LSAMP: variants seen among roughly 807,000 people sequenced by gnomAD.
LSAMP encodes the protein limbic system associated membrane protein.
Under a neutral mutation model 38.6 loss-of-function variants are expected in LSAMP, and 7 were observed. The observed-to-expected ratio is 0.18, with a 90% CI of 0.10 to 0.34. The LOEUF (loss-of-function observed/expected upper bound fraction) is 0.34, where lower values mean the gene tolerates loss of function less well. LSAMP is among the 10% of genes least tolerant of loss of function. The pLI is 1.00. For synonymous variants in LSAMP, 154 were observed against 166.8 expected (o/e 0.92, Z 0.59); for missense variants, 313 against 420.0 (o/e 0.75, Z 2.23).
At chr3:116,323,096 A>T (rs2047726491) in intron 1 of LSAMP, among the ~76,000 whole-genome samples, 1 of 152,116 alleles carries the variant, frequency 6.6e-6, no homozygotes, top group Non-Finnish European at 1.5e-5. Flanking sequence ...ATAAGGATAT[A>T]CTTTCTAATG....
At chr3:116,019,103 A>G (rs890580439) in intron 3 of LSAMP, among the ~76,000 whole-genome samples, 4 of 134,064 alleles carry the variant, frequency 3.0e-5, no homozygotes, top group African/African-American at 1.1e-4. Flanking sequence ...ACTGGCATGT[A>G]TTTTACATAT....
chr3:116,276,429 T>C (rs2047052185), intron 1 of LSAMP, among the ~76,000 whole-genome samples: 1 of 152,018 alleles, frequency 6.6e-6, no homozygotes, highest in African/African-American at 2.4e-5. Flanking sequence ...AAAGCATTAT[T>C]AAGAAAACAT....
chr3:115,932,699 G>A (rs1239360444), intron 3 of LSAMP, among the ~76,000 whole-genome samples: 1 of 152,148 alleles, frequency 6.6e-6, no homozygotes, highest in Non-Finnish European at 1.5e-5. Context: ...ACTATCTCTA[G>A]TTATTCTTTT....
At chr3:115,975,859 G>A (rs1269282172) in intron 3 of LSAMP, among the ~76,000 whole-genome samples, 1 of 151,928 alleles carries the variant, frequency 6.6e-6, no homozygotes, top group Non-Finnish European at 1.5e-5. Context: ...TTTTACATCC[G>A]TATACCTGAC....
chr3:115,899,428 A>T (rs906840473), intron 3 of LSAMP, among the ~76,000 whole-genome samples: 3 of 152,180 alleles, frequency 2.0e-5, no homozygotes, highest in Admixed American at 6.5e-5. Flanking sequence ...CACAATTCCT[A>T]TAAATCACCA....
chr3:115,912,247 C>G (rs1399291560), intron 3 of LSAMP, among the ~76,000 whole-genome samples: 1 of 152,118 alleles, frequency 6.6e-6, no homozygotes, highest in East Asian at 1.9e-4. Flanking sequence ...ATCATGAAGA[C>G]TTTTTTCTAA....
chr3:116,429,254 A>T (rs1206727247), intron 1 of LSAMP, among the ~76,000 whole-genome samples: 1 of 152,240 alleles, frequency 6.6e-6, no homozygotes, highest in African/African-American at 2.4e-5. Flanking sequence ...ACTTTTAGGT[A>T]AATTAAAGTC....
At chr3:116,394,300 TG>T (rs757013650) in intron 1 of LSAMP, among the ~76,000 whole-genome samples, 1 of 152,204 alleles carries the variant, frequency 6.6e-6, no homozygotes, top group African/African-American at 2.4e-5. Context: ...ACTAAATGAA[TG>T]GTTTTTGATA....
At chr3:116,100,596 C>T (rs569505171) in intron 1 of LSAMP, among the ~76,000 whole-genome samples, 1 of 152,262 alleles carries the variant, frequency 6.6e-6, no homozygotes, top group South Asian at 2.1e-4. Context: ...AGATTTCCAA[C>T]TGGTGTTTTG....
At chr3:115,871,932 GAAGA>G in intron 3 of LSAMP, among the ~76,000 whole-genome samples, 1 of 152,272 alleles carries the variant, frequency 6.6e-6, no homozygotes, top group South Asian at 2.1e-4. Context: ...TTGTGGGAAA[GAAGA>G]AAGAGTTGCA....
In LSAMP at chr3:115,943,389, T is replaced by C. The variant is rs143855055; in HGVS notation, c.514+76126A>G. On this transcript the variant is annotated intron_variant, in intron 3 of 6. Transcript: ENST00000490035. ...TTGGGGAGCTGGTAGTTCCTTCCTC[T>C]TTCATAGGGAAGTCAAAATGGACCT... Among the ~76,000 whole-genome samples the C allele has an allele frequency of 6.7e-3, 1,024 of 152,286 alleles. 10 individuals carry two copies. The highest frequency in any genetic ancestry group is 0.022 in the African/African-American group (899 of 41,558).
intron 1 of LSAMP, among the ~76,000 whole-genome samples, chr3:116,182,454 A>T (rs937352016): frequency 3.3e-5 from 5 of 151,706 alleles, no homozygotes; most frequent in Non-Finnish European, 7.4e-5. Context: ...CTTAGAGCCT[A>T]ATCTAGAAGT....
chr3:115,997,493 C>T (rs113524428), intron 3 of LSAMP, among the ~76,000 whole-genome samples: 2,676 of 151,158 alleles, frequency 0.018, 88 homozygotes, highest in African/African-American at 0.062. Context: ...TTTAGGATGC[C>T]ATGTTTGAAC....
intron 2 of LSAMP, among the ~76,000 whole-genome samples, chr3:116,029,591 G>C (rs1940873197): frequency 6.6e-6 from 1 of 152,080 alleles, no homozygotes; most frequent in Non-Finnish European, 1.5e-5. Flanking sequence ...AGCAATGCTA[G>C]GTACCGTGTG....
chr3:116,096,284 A>G (rs558134964), intron 1 of LSAMP, among the ~76,000 whole-genome samples: 8 of 152,286 alleles, frequency 5.3e-5, no homozygotes, highest in African/African-American at 1.9e-4. Context: ...TTTTATTTCC[A>G]TATCCTTCCA....
intron 1 of LSAMP, among the ~76,000 whole-genome samples, chr3:116,246,239 TTTTC>T (rs1259975505): frequency 6.6e-6 from 1 of 152,174 alleles, no homozygotes; most frequent in Non-Finnish European, 1.5e-5. Context: ...CTTCCATCAT[TTTTC>T]TTTCTATGTT....
At chr3:116,214,731 G>A (rs2046200613) in intron 1 of LSAMP, among the ~76,000 whole-genome samples, 1 of 151,882 alleles carries the variant, frequency 6.6e-6, no homozygotes, top group Admixed American at 6.6e-5. Context: ...TCAAATTCCT[G>A]ACCTCAAGTG....
intron 5 of LSAMP, 106 bp downstream of exon 5, chr3:115,842,352 A>G: frequency 7.2e-7 from 1 of 1,384,298 alleles, no homozygotes; most frequent in Admixed American, 2.6e-5. Context: ...GTGAGAATAT[A>G]GTTCTACATA....
intron 2 of LSAMP, among the ~76,000 whole-genome samples, chr3:116,060,533 G>A (rs1053108127): frequency 6.6e-6 from 1 of 152,182 alleles, no homozygotes; most frequent in Non-Finnish European, 1.5e-5. Context: ...GGCTGAGGCG[G>A]GTGGATCATC....
Sources: gnomAD v4.1 joint callset for allele counts (sites outside exome capture counted in the v4.1 genomes callset) on GRCh38, gnomAD v4.1.1 for gene constraint, MANE v1.5 for transcripts, NCBI Gene and HGNC (gene_info 2026-07-23, HGNC 2026-07-21) for gene names.